ZBBX: variants seen among roughly 807,000 people sequenced by gnomAD.
ZBBX encodes the protein zinc finger B-box domain containing.
Under a neutral mutation model 108.5 loss-of-function variants are expected in ZBBX, and 101 were observed. That is an observed-to-expected ratio of 0.93 (90% CI 0.79 to 1.10). ZBBX has a LOEUF of 1.10. ZBBX is among the 50% of genes least tolerant of loss of function. The pLI is 0.00. For synonymous variants in ZBBX, 356 were observed against 323.4 expected (o/e 1.10, Z -1.08); for missense variants, 1,009 against 941.4 (o/e 1.07, Z -0.94).
At chr3:167,208,608 C>A in the ZBBX span, among the ~76,000 whole-genome samples, 5 of 152,174 alleles carry the variant, frequency 3.3e-5, no homozygotes, top group Non-Finnish European at 7.4e-5. Context: ...TGAGTCCTGG[C>A]AGCACCACCT....
At chr3:167,393,585 C>T (rs543467624) in intron 1 of ZBBX, among the ~76,000 whole-genome samples, 78 of 151,940 alleles carry the variant, frequency 5.1e-4, no homozygotes, top group South Asian at 2.3e-3. Flanking sequence ...ATTTTCTTCA[C>T]GTACTTGTGA....
rs761368216 is a variant in ZBBX at position 167,317,006 on chromosome 3, T to A, written c.1193A>T (p.Asp398Val). ...EPSLKIVELD[D>V]TYEEEFEEAE... ...GTCATTATGCACTTATGCACTTACA[T>A]CATCCAGTTCGACTATCTTTAGAGA... Residue 398 changes from aspartate to valine, a missense_variant and splice_region_variant, in exon 14 of 22, where the codon GAT (aspartate) becomes GTT (valine). Transcript: ENST00000675490. 7 of 1,580,110 alleles carry A rather than the reference T, an allele frequency of 4.4e-6. No individual in the cohort carries two copies. In the African/African-American group the frequency reaches 8.1e-5, roughly 18 times the overall value.
chr3:167,237,389 G>A (rs1053865378), downstream of ZBBX, among the ~76,000 whole-genome samples: 7 of 151,840 alleles, frequency 4.6e-5, no homozygotes, highest in Non-Finnish European at 7.4e-5. Flanking sequence ...TATAAACTAC[G>A]AATTTCAACA....
intron 11 of ZBBX, among the ~76,000 whole-genome samples, chr3:167,324,045 C>T (rs1341617946): frequency 6.6e-6 from 1 of 152,038 alleles, no homozygotes; most frequent in Non-Finnish European, 1.5e-5. Context: ...AAAGATGTTT[C>T]ATGTCATTTG....
chr3:167,299,032 T>C (rs993114662), intron 17 of ZBBX, among the ~76,000 whole-genome samples: 1 of 152,052 alleles, frequency 6.6e-6, no homozygotes, highest in Non-Finnish European at 1.5e-5. Context: ...GTCTGCCTGA[T>C]TTGAAACCTA....
the ZBBX span, among the ~76,000 whole-genome samples, chr3:167,220,522 A>T: frequency 6.6e-6 from 1 of 152,064 alleles, no homozygotes; most frequent in African/African-American, 2.4e-5. Context: ...AAAGCATTGG[A>T]TAAAATTCAA....
the ZBBX span, among the ~76,000 whole-genome samples, chr3:167,209,509 C>T: frequency 1.3e-5 from 2 of 152,108 alleles, no homozygotes; most frequent in African/African-American, 4.8e-5. Flanking sequence ...TATGAGTCTG[C>T]AAGAAATAGT....
chr3:167,192,208 T>C, the ZBBX span, among the ~76,000 whole-genome samples: 1 of 152,052 alleles, frequency 6.6e-6, no homozygotes, highest in East Asian at 1.9e-4. Flanking sequence ...GTGGGTTTTA[T>C]ACTTTCAAAT....
intron 11 of ZBBX, among the ~76,000 whole-genome samples, chr3:167,325,456 C>A: frequency 6.6e-6 from 1 of 152,082 alleles, no homozygotes; most frequent in African/African-American, 2.4e-5. Context: ...AGACCCACTC[C>A]CATGATTCAA....
intron 11 of ZBBX, among the ~76,000 whole-genome samples, chr3:167,324,301 T>A (rs1034077624): frequency 6.6e-6 from 1 of 152,060 alleles, no homozygotes; most frequent in Non-Finnish European, 1.5e-5. Context: ...CACATTATCA[T>A]GTATGACTTT....
chr3:167,187,924 C>T, the ZBBX span, among the ~76,000 whole-genome samples: 3 of 152,156 alleles, frequency 2.0e-5, no homozygotes, highest in African/African-American at 7.2e-5. Context: ...ATTTGCAATG[C>T]ATTCTACTGT....
intron 6 of ZBBX, among the ~76,000 whole-genome samples, chr3:167,363,610 A>G (rs1341847179): frequency 6.6e-6 from 1 of 151,754 alleles, no homozygotes; most frequent in Non-Finnish European, 1.5e-5. Context: ...TCTTTCATCT[A>G]CATTTTGACT....
At chr3:167,291,962 C>T (rs567305848) in intron 18 of ZBBX, among the ~76,000 whole-genome samples, 2 of 152,098 alleles carry the variant, frequency 1.3e-5, no homozygotes, top group African/African-American at 4.8e-5. Context: ...GACGAAGAAG[C>T]CATTACATAA....
At chr3:167,357,022 T>C (rs1743690906) in intron 8 of ZBBX, among the ~76,000 whole-genome samples, 1 of 152,074 alleles carries the variant, frequency 6.6e-6, no homozygotes, top group Admixed American at 6.6e-5. Context: ...CTATTAGACA[T>C]CCAATAAAGG....
At chr3:167,333,133 T>A (rs1200014257) in intron 10 of ZBBX, among the ~76,000 whole-genome samples, 1 of 151,942 alleles carries the variant, frequency 6.6e-6, no homozygotes, top group Non-Finnish European at 1.5e-5. Flanking sequence ...TCTATGAGCA[T>A]GGGTTTGGAA....
chr3:167,292,234 C>A (rs1222266089), intron 18 of ZBBX, among the ~76,000 whole-genome samples: 1 of 152,142 alleles, frequency 6.6e-6, no homozygotes, highest in Admixed American at 6.6e-5. Flanking sequence ...CTCTCCACCC[C>A]AAATCAACAG....
chr3:167,390,986 T>C (rs1748069101), intron 1 of ZBBX, among the ~76,000 whole-genome samples: 1 of 152,136 alleles, frequency 6.6e-6, no homozygotes, highest in Non-Finnish European at 1.5e-5. Context: ...TTCTTTCTCT[T>C]GCCTGATTTC....
rs1739345774 is a variant in ZBBX, at chr3:167,335,138, T to C, written c.529-1153A>G. The stretch of plus-strand genomic sequence containing the variant: ...TAGATCTCTACCAGCCCTAACTATA[T>C]TGATTTCACATTTCCTCATATCACA... On this transcript the variant is annotated intron_variant, in intron 9 of 21. Transcript: ENST00000675490. 2.6e-5 allele frequency among the ~76,000 whole-genome samples: 4 copies of C among 152,092 alleles called. No individual in the cohort carries two copies. In the South Asian group the frequency reaches 8.3e-4, roughly 32 times the overall value.
rs61671930 is a variant in ZBBX, at chr3:167,397,142, T to TAAAAAAAAAAAAAAAAAAAA, written c.-446+10564_-446+10583dup. ...GTCGTGAAGAAGAGGTTCTTGGTGG[T>TAAAAAAAAAAAAAAAAAAAA]AAAAAAAAAAAAAAAAAAAAAAAAT... On this transcript the variant is annotated intron_variant, in intron 1 of 21. Transcript: ENST00000455345. Among the ~76,000 whole-genome samples the TAAAAAAAAAAAAAAAAAAAA allele has an allele frequency of 3.0e-4, 22 of 72,412 alleles. 3 individuals carry two copies. Among genetic ancestry groups the TAAAAAAAAAAAAAAAAAAAA allele is most frequent in the African/African-American group, 9.1e-4 (17 of 18,712 alleles). The allele number at this position is 72,412 out of a possible 152,430, so 47.5% of individuals were successfully genotyped here.
Sources: allele counts gnomAD v4.1 joint callset (sites outside exome capture counted in the v4.1 genomes callset), GRCh38; gene constraint gnomAD v4.1.1; transcripts MANE v1.5; gene names NCBI Gene and HGNC (gene_info 2026-07-23, HGNC 2026-07-21).